The following TMEFF1 variants were observed in gnomAD, a reference collection of about 807,000 sequenced individuals.
TMEFF1 encodes the protein transmembrane protein with EGF like and two follistatin like domains 1.
In TMEFF1, 20 loss-of-function variants were observed where a neutral mutation model predicts 47.5. The ratio of observed to expected loss-of-function variants is 0.42; its 90% CI spans 0.30 to 0.61. The LOEUF (loss-of-function observed/expected upper bound fraction) is 0.61. Ranked by LOEUF, TMEFF1 falls within the 20% of genes least tolerant of loss-of-function variation. TMEFF1 has a pLI of 0.19. For missense variants in TMEFF1, 411 were observed against 471.1 expected, an observed-to-expected ratio of 0.87 and a Z score of 1.18; for synonymous variants, 162 against 166.3, an observed-to-expected ratio of 0.97 and a Z score of 0.20.
chr9:100,545,049 G>A (rs1838704858), intron 5 of TMEFF1, among the ~76,000 whole-genome samples: 1 of 152,192 alleles, frequency 6.6e-6, no homozygotes, highest in African/African-American at 2.4e-5. Flanking sequence ...TCATGGGCTG[G>A]CATTGAGTGT....
chr9:100,534,837 A>G (rs1188428577), intron 5 of TMEFF1, among the ~76,000 whole-genome samples: 1 of 152,070 alleles, frequency 6.6e-6, no homozygotes, highest in Non-Finnish European at 1.5e-5. Context: ...TTGGACTGGT[A>G]TGGTATTTTG....
chr9:100,546,431 C>A (rs886735667), intron 5 of TMEFF1, among the ~76,000 whole-genome samples: 2 of 150,010 alleles, frequency 1.3e-5, no homozygotes, highest in Admixed American at 1.3e-4. Flanking sequence ...TAATTCAATC[C>A]CCCCCCCACC....
chr9:100,565,300 C>T (rs1471290678), intron 8 of TMEFF1, among the ~76,000 whole-genome samples: 1 of 152,144 alleles, frequency 6.6e-6, no homozygotes, highest in African/African-American at 2.4e-5. Context: ...TTCTCTTCCC[C>T]TCGTTAGTGT....
At chr9:100,498,643 T>A (rs1837701677) in intron 1 of TMEFF1, 122 bp from the exon 2 acceptor site, 1 of 802,860 alleles carries the variant, frequency 1.2e-6, no homozygotes. Context: ...CTTATTACAC[T>A]TCTGAATGGG....
At chr9:100,562,522 G>A (rs1367695641) in intron 8 of TMEFF1, among the ~76,000 whole-genome samples, 1 of 151,914 alleles carries the variant, frequency 6.6e-6, no homozygotes, top group Non-Finnish European at 1.5e-5. Context: ...GCTTTTTCCT[G>A]ATTGAAAGTT....
In TMEFF1 at chr9:100,576,544, C is replaced by A; in HGVS notation, c.1087C>A (p.Arg363=). The part of the protein sequence containing the change: ...RKCPKNNRGR[R]QKQNLGHFTS... ...ATGCCCCAAAAACAATAGAGGACGTCGACAGAAGCAAAACCTAGGTCATTT... is the reference window on the plus strand; with the variant it reads ...ATGCCCCAAAAACAATAGAGGACGTAGACAGAAGCAAAACCTAGGTCATTT... Residue 363 remains arginine, a synonymous_variant, in exon 10 of 10, where the codon CGA becomes AGA. Coordinates refer to ENST00000374879, the MANE Select transcript of TMEFF1 (RefSeq NM_003692.5). 6.2e-7 allele frequency: 1 copy of A among 1,612,722 alleles called. No homozygotes were observed. Among genetic ancestry groups the A allele is most frequent in the Non-Finnish European group, 8.5e-7 (1 of 1,179,418 alleles).
chr9:100,568,690 A>T (rs953768344), intron 8 of TMEFF1, among the ~76,000 whole-genome samples: 1 of 151,986 alleles, frequency 6.6e-6, no homozygotes, highest in Non-Finnish European at 1.5e-5. Context: ...TCTCCTCAAG[A>T]GGACACCTCA....
intron 9 of TMEFF1, among the ~76,000 whole-genome samples, chr9:100,574,071 A>G (rs1325624820): frequency 6.6e-6 from 1 of 152,242 alleles, no homozygotes; most frequent in Non-Finnish European, 1.5e-5. Context: ...ATTCCCATTC[A>G]TTCTTTACAC....
intron 7 of TMEFF1, among the ~76,000 whole-genome samples, chr9:100,554,107 T>G (rs1316334936): frequency 6.6e-6 from 1 of 152,180 alleles, no homozygotes; most frequent in African/African-American, 2.4e-5. Context: ...CACCCCATCT[T>G]TGGTCTCATC....
chr9:100,568,347 T>C (rs1839165028), intron 8 of TMEFF1, among the ~76,000 whole-genome samples: 1 of 152,238 alleles, frequency 6.6e-6, no homozygotes, highest in Non-Finnish European at 1.5e-5. Flanking sequence ...TAGCCTACCA[T>C]GAAGGACATT....
chr9:100,550,257 C>A (rs1838808756), intron 7 of TMEFF1, 97 bp downstream of exon 7: 7 of 1,240,624 alleles, frequency 5.6e-6, no homozygotes, highest in Non-Finnish European at 6.7e-6. Flanking sequence ...ACACCTCTAA[C>A]TTTGCTCTCT....
chr9:100,498,535 T>C (rs1262898810), intron 1 of TMEFF1, among the ~76,000 whole-genome samples: 3 of 152,192 alleles, frequency 2.0e-5, no homozygotes, highest in African/African-American at 7.2e-5. Context: ...TTTTGAGTTC[T>C]ATTTTGAGTT....
At chr9:100,532,707 A>G (rs1838412207) in intron 5 of TMEFF1, among the ~76,000 whole-genome samples, 1 of 151,772 alleles carries the variant, frequency 6.6e-6, no homozygotes, top group Admixed American at 6.6e-5. Context: ...AGAACTGGAA[A>G]TACCATTTGA....
chr9:100,494,741 G>A (rs896178370), intron 1 of TMEFF1, among the ~76,000 whole-genome samples: 36 of 152,196 alleles, frequency 2.4e-4, no homozygotes, highest in African/African-American at 7.5e-4. Context: ...CTCTAAGTAA[G>A]AAGGGGAGAA....
intron 5 of TMEFF1, among the ~76,000 whole-genome samples, chr9:100,523,059 C>CT: frequency 6.6e-6 from 1 of 152,164 alleles, no homozygotes; most frequent in East Asian, 1.9e-4. Context: ...TCTTAAAGTC[C>CT]TTTGACAGTT....
chr9:100,573,581 A>G (rs1487263200), intron 9 of TMEFF1, among the ~76,000 whole-genome samples: 2 of 152,192 alleles, frequency 1.3e-5, no homozygotes, highest in African/African-American at 2.4e-5. Flanking sequence ...CAGAAGTCTC[A>G]TAAGCATCAT....
chr9:100,475,246 A>G (rs112966199), intron 1 of TMEFF1, among the ~76,000 whole-genome samples: 1 of 152,292 alleles, frequency 6.6e-6, no homozygotes, highest in South Asian at 2.1e-4. Flanking sequence ...TTGGCCCGCT[A>G]TTTAGGTTTG....
intron 1 of TMEFF1, among the ~76,000 whole-genome samples, chr9:100,481,089 G>C (rs1460943780): frequency 1.3e-5 from 2 of 152,186 alleles, no homozygotes; most frequent in Non-Finnish European, 2.9e-5. Context: ...ACAGTTGTTT[G>C]CTCTAATGTC....
At chr9:100,496,683 A>AAG (rs764326117) in intron 1 of TMEFF1, among the ~76,000 whole-genome samples, 4 of 152,208 alleles carry the variant, frequency 2.6e-5, no homozygotes, top group Non-Finnish European at 4.4e-5. Context: ...CTTGCAATCC[A>AAG]CTGTACCTGT....
Sources: gnomAD v4.1 joint callset for allele counts (sites outside exome capture counted in the v4.1 genomes callset) on GRCh38, gnomAD v4.1.1 for gene constraint, MANE v1.5 for transcripts, NCBI Gene and HGNC (gene_info 2026-07-23, HGNC 2026-07-21) for gene names.